CEP70: variants seen among roughly 807,000 people sequenced by gnomAD.
CEP70 encodes centrosomal protein 70.
CEP70 carries 70 observed loss-of-function variants against 90.9 expected under a neutral mutation model. The observed-to-expected ratio is 0.77, with a 90% CI of 0.64 to 0.94. CEP70 has a LOEUF of 0.94. Among genes scored for constraint, CEP70 ranks in the 40% least tolerant of loss-of-function variants. The probability of loss-of-function intolerance (pLI) is 0.00; values close to 1 mark genes in which losing one functional copy is unlikely to be tolerated. For synonymous variants in CEP70, 220 were observed against 228.3 expected (o/e 0.96, Z 0.33); for missense variants, 648 against 669.0 (o/e 0.97, Z 0.35).
intron 1 of CEP70, chr3:138,593,041 A>AGGT (rs2042462153): frequency 6.6e-6 from 1 of 152,184 alleles, no homozygotes; most frequent in Non-Finnish European, 1.5e-5. Flanking sequence ...GTCTCAGGAG[A>AGGT]GGTGACATGA....
At chr3:138,510,543 T>C (rs1576561758) in intron 11 of CEP70, among the ~76,000 whole-genome samples, 1 of 152,204 alleles carries the variant, frequency 6.6e-6, no homozygotes, top group East Asian at 1.9e-4. Flanking sequence ...TTGATTGTTT[T>C]TCAACAGGAA....
At chr3:138,556,707 G>A (rs2040036738) in intron 6 of CEP70, among the ~76,000 whole-genome samples, 1 of 151,952 alleles carries the variant, frequency 6.6e-6, no homozygotes, top group Non-Finnish European at 1.5e-5. Context: ...GTTCCGTGAT[G>A]CCTCCTGAGC....
At chr3:138,584,221 A>T (rs2041999773) in intron 2 of CEP70, among the ~76,000 whole-genome samples, 1 of 152,054 alleles carries the variant, frequency 6.6e-6, no homozygotes, top group South Asian at 2.1e-4. Flanking sequence ...TTGAACCATA[A>T]AGAAATCCAA....
chr3:138,584,133 T>C (rs1321966524), intron 2 of CEP70, among the ~76,000 whole-genome samples: 1 of 152,022 alleles, frequency 6.6e-6, no homozygotes, highest in East Asian at 1.9e-4. Flanking sequence ...TAGAGCCTAC[T>C]AGGAGCAACT....
At chr3:138,570,867 T>C (rs1307286528) in intron 5 of CEP70, among the ~76,000 whole-genome samples, 167 bp downstream of exon 5, 2 of 152,194 alleles carry the variant, frequency 1.3e-5, no homozygotes. Context: ...TAAACATCTA[T>C]GCTAAGCTAT....
chr3:138,579,425 G>A (rs2108222209), intron 2 of CEP70, among the ~76,000 whole-genome samples: 1 of 151,792 alleles, frequency 6.6e-6, no homozygotes, highest in East Asian at 2.0e-4. Flanking sequence ...CCAACCCCAG[G>A]CAGCACAGCT....
chr3:138,562,374 C>G (rs2040473332), intron 6 of CEP70, among the ~76,000 whole-genome samples: 1 of 152,082 alleles, frequency 6.6e-6, no homozygotes, highest in South Asian at 2.1e-4. Context: ...CAAAGATACT[C>G]CTTGAGAAGA....
chr3:138,528,783 A>G (rs1297805616), intron 10 of CEP70, among the ~76,000 whole-genome samples: 1 of 152,158 alleles, frequency 6.6e-6, no homozygotes, highest in Non-Finnish European at 1.5e-5. Flanking sequence ...ACTTGAGGTC[A>G]GAAGTCTGAG....
chr3:138,575,956 A>G (rs889536043), intron 2 of CEP70, among the ~76,000 whole-genome samples: 5 of 152,228 alleles, frequency 3.3e-5, no homozygotes, highest in African/African-American at 1.2e-4. Context: ...AGGAAGCACT[A>G]AACATGGAAA....
Position 138,500,439 on chromosome 3 carries a change from C to A in CEP70, c.1497G>T (p.Met499Ile). Reference sequence around the variant, plus strand: ...CTTGGAGGTTTCTCACAGCATTGTTCATTTCTCCAAGCCTAGTATAAACTT... The same window carrying A: ...CTTGGAGGTTTCTCACAGCATTGTTAATTTCTCCAAGCCTAGTATAAACTT... ...MNEVYTRLGE[M>I]NNAVRNLQEL... The change falls in exon 15 of 18, where the codon ATG becomes ATT. Residue 499 changes from methionine to isoleucine, a missense_variant. Met to Ile is a conservative substitution (Grantham distance 10). Coordinates refer to ENST00000264982, the MANE Select transcript of CEP70 (RefSeq NM_024491.4). 6.2e-7 allele frequency: 1 copy of A among 1,604,928 alleles called. No individual in the cohort carries two copies. Among genetic ancestry groups the A allele is most frequent in the South Asian group, 1.1e-5 (1 of 88,164 alleles).
rs187815912 is a variant in CEP70, at chr3:138,532,469, A to G, written c.692+45T>C. 3.1e-3 allele frequency: 4,473 copies of G among 1,435,632 alleles called. 9 individuals are homozygous for G. The highest frequency in any genetic ancestry group is 3.7e-3 in the Non-Finnish European group (3,990 of 1,086,276). 88.9% of individuals were successfully genotyped at this position (1,435,632 alleles called of 1,614,324 possible). On this transcript the variant is annotated intron_variant, in intron 8 of 17. Coordinates refer to ENST00000264982, the MANE Select transcript of CEP70 (RefSeq NM_024491.4). ...AGCTACAGAAACTTCTGGTGTGAAT[A>G]CTGGATTAAAACCTTTAAAAACTGT...
chr3:138,577,517 T>C (rs1484906443), intron 2 of CEP70, among the ~76,000 whole-genome samples: 1 of 151,912 alleles, frequency 6.6e-6, no homozygotes, highest in Non-Finnish European at 1.5e-5. Flanking sequence ...GTGTGGTGGC[T>C]CATGCCTGTA....
At chr3:138,531,602 C>T (rs1420760158) in intron 8 of CEP70, 1 of 152,088 alleles carries the variant, frequency 6.6e-6, no homozygotes, top group Non-Finnish European at 1.5e-5. Context: ...GTCCCTGAAG[C>T]TACTTGATAA....
chr3:138,590,769 C>T (rs1382968143), intron 2 of CEP70, among the ~76,000 whole-genome samples: 2 of 151,914 alleles, frequency 1.3e-5, no homozygotes, highest in African/African-American at 4.8e-5. Context: ...TGAGATCGTG[C>T]CACTGCACTC....
chr3:138,582,749 A>G (rs1202251206), intron 2 of CEP70, among the ~76,000 whole-genome samples: 1 of 152,014 alleles, frequency 6.6e-6, no homozygotes, highest in Non-Finnish European at 1.5e-5. Flanking sequence ...GGGTGACAGA[A>G]CTAGACTCCA....
At chr3:138,550,324 T>C (rs1271287930) in intron 6 of CEP70, among the ~76,000 whole-genome samples, 1 of 152,056 alleles carries the variant, frequency 6.6e-6, no homozygotes, top group Non-Finnish European at 1.5e-5. Context: ...ATACAAGAAA[T>C]GAGGAGAGAA....
chr3:138,499,864 T>C, intron 16 of CEP70: 1 of 386,004 alleles, frequency 2.6e-6, no homozygotes, highest in South Asian at 3.0e-5. Context: ...AAAGATGCTA[T>C]TCCAAACAGG....
At chr3:138,544,340 G>A (rs1197466852) in intron 6 of CEP70, among the ~76,000 whole-genome samples, 1 of 138,738 alleles carries the variant, frequency 7.2e-6, no homozygotes, top group East Asian at 2.0e-4. Flanking sequence ...CAGTTAGAAT[G>A]GCTATTACTC....
intron 11 of CEP70, among the ~76,000 whole-genome samples, chr3:138,513,373 C>G (rs577961163): frequency 5.7e-4 from 87 of 152,288 alleles, no homozygotes; most frequent in African/African-American, 2.0e-3. Flanking sequence ...TGTCAAGTAC[C>G]TCTATCCAAG....
Sources: allele counts gnomAD v4.1 joint callset (sites outside exome capture counted in the v4.1 genomes callset), GRCh38; gene constraint gnomAD v4.1.1; transcripts MANE v1.5; gene names NCBI Gene and HGNC (gene_info 2026-07-23, HGNC 2026-07-21).